Variants in KIF18B observed in about 807,000 individuals in gnomAD.
KIF18B encodes the protein kinesin family member 18B, also known as kinesin-like protein KIF18B.
In KIF18B, 49 loss-of-function variants were observed where a neutral mutation model predicts 80.9. The observed-to-expected ratio is 0.61, with a 90% CI of 0.48 to 0.77. KIF18B has a LOEUF of 0.77. KIF18B is among the 30% of genes least tolerant of loss of function. The pLI is 0.00. For missense variants in KIF18B, 994 were observed against 1,127.7 expected (o/e 0.88, Z 1.70); for synonymous variants, 439 against 463.9 (o/e 0.95, Z 0.69).
chr17:44,928,611 G>C, intron 12 of KIF18B, 33 bp from the exon 13 acceptor site: 2 of 1,443,574 alleles, frequency 1.4e-6, no homozygotes, highest in Non-Finnish European at 1.8e-6. Context: ...TGTAGAACTT[G>C]GGGAGCCAGA....
At position 44,934,456 on chromosome 17, in the gene KIF18B, G is replaced by T. The variant is rs1202846804; in HGVS notation, c.688-26C>A. On this transcript the variant is annotated intron_variant, in intron 5 of 15. Coordinates refer to ENST00000593135, the MANE Select transcript of KIF18B (RefSeq NM_001265577.2). This position sits in a 1 kb window ranked among gnomAD's most constrained non-coding sequence, Gnocchi z 5.4. ...CTGAAGGCAGATGGCAGGGGTGAGGGGGAGATGGGCATCAGGGGCACTGGT... is the reference window on the plus strand; with the variant it reads ...CTGAAGGCAGATGGCAGGGGTGAGGTGGAGATGGGCATCAGGGGCACTGGT... 1 of 1,603,934 alleles carries T rather than the reference G, an allele frequency of 6.2e-7. No homozygotes were observed. The highest frequency in any genetic ancestry group is 1.3e-5 in the African/African-American group (1 of 74,746).
intron 11 of KIF18B, among the ~76,000 whole-genome samples, chr17:44,931,314 G>T (rs999621081): frequency 1.3e-5 from 2 of 152,208 alleles, no homozygotes; most frequent in African/African-American, 4.8e-5. Context: ...AAAGCAAAGC[G>T]TAAGCCCCAG....
In KIF18B at chr17:44,928,150, G is replaced by A. The variant is rs376484406; in HGVS notation, c.2152C>T (p.Arg718Ter). The change falls in exon 13 of 16, where the codon CGA becomes TGA. Residue 718 changes from arginine (R) to a stop codon, truncating the protein, a stop_gained. Coordinates refer to ENST00000593135, the MANE Select transcript of KIF18B (RefSeq NM_001265577.2). LOFTEE classifies it high-confidence loss of function. Reference protein sequence around the residue: ...NCSTPLALPTRDLNATFDLSE... With the variant: ...NCSTPLALPT The stretch of plus-strand genomic sequence containing the variant: ...AGATCAAAGGTGGCATTGAGGTCTC[G>A]AGTGGGCAGAGCCAGCGGGGTGGAG... 2.5e-5 allele frequency: 40 copies of A among 1,608,428 alleles called. No individual in the cohort carries two copies. Among genetic ancestry groups the A allele is most frequent in the South Asian group, 5.5e-5 (5 of 90,526 alleles).
At chr17:44,946,766 G>A (rs1232118408) in intron 1 of KIF18B, among the ~76,000 whole-genome samples, 1 of 152,064 alleles carries the variant, frequency 6.6e-6, no homozygotes, top group Non-Finnish European at 1.5e-5. Context: ...TGCATCCTAG[G>A]AGCAGTAACA....
Position 44,934,167 on chromosome 17 carries a change from C to A in KIF18B, c.885+66G>T. 1 of 1,595,844 alleles carries A rather than the reference C, an allele frequency of 6.3e-7. No homozygotes were observed. The highest frequency in any genetic ancestry group is 8.5e-7 in the Non-Finnish European group (1 of 1,170,380). ...ACTGACCCAGGATGGGGCCCTGTGG[C>A]CTTTGGCCCTGGGTTCAGGTGCTCA... On this transcript the variant is annotated intron_variant, in intron 6 of 15. Transcript: ENST00000593135. The surrounding 1 kb of genome is among the most constrained non-coding windows in gnomAD (Gnocchi z 5.4).
rs544975143 is a variant in KIF18B at position 44,943,510 on chromosome 17, G to C, written c.-15+4118C>G. Among the ~76,000 whole-genome samples the C allele has an allele frequency of 7.2e-4, 109 of 151,936 alleles. 4 individuals are homozygous for C. The South Asian group carries it at 0.022, about 30-fold the overall frequency. ...TTATTTTTCTTGTCTTACATTTCTG[G>C]TTAGGACCTCCAGCACAATATTGAA... On this transcript the variant is annotated intron_variant, in intron 1 of 15. Coordinates refer to ENST00000593135, the MANE Select transcript of KIF18B (RefSeq NM_001265577.2).
At chr17:44,942,766 A>G (rs748896575) in intron 1 of KIF18B, among the ~76,000 whole-genome samples, 1 of 152,272 alleles carries the variant, frequency 6.6e-6, no homozygotes, top group Non-Finnish European at 1.5e-5. Context: ...AAAAATAATT[A>G]TTATTACAGC....
At position 44,932,977 on chromosome 17, in the gene KIF18B, T is replaced by C; in HGVS notation, c.1072A>G (p.Asn358Asp). Reference protein sequence around the residue: ...AKEIRLSLKSNVTSLDCHISQ... With the variant: ...AKEIRLSLKSDVTSLDCHISQ... ...ATGTGACAGTCCAGGCTGGTCACATTGCTCTTCAGCTGAGATGGGGAACAG... is the reference window on the plus strand; with the variant it reads ...ATGTGACAGTCCAGGCTGGTCACATCGCTCTTCAGCTGAGATGGGGAACAG... Residue 358 changes from asparagine to aspartate, a missense_variant, in exon 8 of 16, where the codon AAT (asparagine) becomes GAT (aspartate). Coordinates refer to ENST00000593135, the MANE Select transcript of KIF18B (RefSeq NM_001265577.2). The C allele has an allele frequency of 6.2e-7, 1 of 1,605,716 alleles. No individual in the cohort carries two copies. Among genetic ancestry groups the C allele is most frequent in the Non-Finnish European group, 8.5e-7 (1 of 1,173,132 alleles).
intron 1 of KIF18B, among the ~76,000 whole-genome samples, chr17:44,942,562 AG>A (rs760923011): frequency 6.6e-6 from 1 of 152,196 alleles, no homozygotes; most frequent in Non-Finnish European, 1.5e-5. Context: ...GCGATGCTGT[AG>A]CCCCCTTCAT....
Position 44,934,520 on chromosome 17 carries a change from T to C in KIF18B, c.674A>G (p.His225Arg), listed in dbSNP as rs2052233603. 1 of 1,612,192 alleles carries C rather than the reference T, an allele frequency of 6.2e-7. No individual in the cohort carries two copies. Among genetic ancestry groups the C allele is most frequent in the Non-Finnish European group, 8.5e-7 (1 of 1,179,034 alleles). Residue 225 changes from histidine (H) to arginine (R), a missense_variant, in exon 5 of 16, where the codon CAT becomes CGT. His to Arg is a conservative substitution (Grantham distance 29). Transcript: ENST00000593135. This position sits in a 1 kb window ranked among gnomAD's most constrained non-coding sequence, Gnocchi z 5.4. ...CCATGACCTCACCTGGAAGATGGCATGGGAGCGGGAGGAAGTCGCGTTGGC... is the reference window on the plus strand; with the variant it reads ...CCATGACCTCACCTGGAAGATGGCACGGGAGCGGGAGGAAGTCGCGTTGGC... ...TDANATSSRS[H>R]AIFQIFVKQQ... is the part of the protein sequence containing the mutation.
In KIF18B at chr17:44,934,215, T is replaced by C; in HGVS notation, c.885+18A>G. On this transcript the variant is annotated intron_variant, in intron 6 of 15. Coordinates refer to ENST00000593135, the MANE Select transcript of KIF18B (RefSeq NM_001265577.2). The surrounding 1 kb of genome is among the most constrained non-coding windows in gnomAD (Gnocchi z 5.4). ...TCAGTTGCTATCCTGGGGAGAATACTGGCCTGTGCTGCTTTACCTTTGCAT... is the reference window on the plus strand; with the variant it reads ...TCAGTTGCTATCCTGGGGAGAATACCGGCCTGTGCTGCTTTACCTTTGCAT... The C allele has an allele frequency of 6.2e-7, 1 of 1,603,148 alleles. No homozygotes were observed. The highest frequency in any genetic ancestry group is 8.5e-7 in the Non-Finnish European group (1 of 1,174,082).
At position 44,925,736 on chromosome 17, in the gene KIF18B, G is replaced by A. The variant is rs996864840; in HGVS notation, c.*344C>T. 7.7e-5 allele frequency: 22 copies of A among 286,418 alleles called. No individual in the cohort carries two copies. Among genetic ancestry groups the A allele is most frequent in the African/African-American group, 2.0e-4 (8 of 40,840 alleles). 17.7% of individuals were successfully genotyped at this position (286,418 alleles called of 1,614,324 possible). The stretch of plus-strand genomic sequence containing the variant: ...GCGGAGGTTGCAGTGAGCCAAGATC[G>A]TACCACTGCACTCCAGCCTGGGCGA... On this transcript the variant is annotated 3_prime_UTR_variant, in exon 16 of 16. Coordinates refer to ENST00000593135, the MANE Select transcript of KIF18B (RefSeq NM_001265577.2).
intron 2 of KIF18B, 132 bp downstream of exon 2, chr17:44,935,900 A>G (rs1369535660): frequency 4.4e-5 from 33 of 751,202 alleles, no homozygotes; most frequent in Non-Finnish European, 6.6e-5. Context: ...ATGATGGGAC[A>G]TTGTACAAAA....
chr17:44,933,005 G>A lies in KIF18B; in HGVS notation c.1063-19C>T, dbSNP rs1412002269. ...TCTTCAGCTGAGATGGGGAACAGGA[G>A]AGAGATTTATTTGTTCATTCAAAGC... On this transcript the variant is annotated intron_variant, in intron 7 of 15. Coordinates refer to ENST00000593135, the MANE Select transcript of KIF18B (RefSeq NM_001265577.2). The A allele has an allele frequency of 6.3e-7, 1 of 1,597,624 alleles. No individual in the cohort carries two copies. Among genetic ancestry groups the A allele is most frequent in the Non-Finnish European group, 8.6e-7 (1 of 1,167,336 alleles).
intron 1 of KIF18B, among the ~76,000 whole-genome samples, chr17:44,945,626 C>T (rs77665779): frequency 0.33 from 49,328 of 151,654 alleles, 8,225 homozygotes; most frequent in East Asian, 0.38. Flanking sequence ...AATTTCAGGC[C>T]GGGCATGGTG....
chr17:44,934,641 G>C lies in KIF18B; in HGVS notation c.577-24C>G. Reference sequence around the variant, plus strand: ...GGCTACAGAGGAGAAGCCCAGGAACGGGGCTGTGGGTTCCCGGATCAGGAC... The same window carrying C: ...GGCTACAGAGGAGAAGCCCAGGAACCGGGCTGTGGGTTCCCGGATCAGGAC... On this transcript the variant is annotated intron_variant, in intron 4 of 15. Coordinates refer to ENST00000593135, the MANE Select transcript of KIF18B (RefSeq NM_001265577.2). The surrounding 1 kb of genome is among the most constrained non-coding windows in gnomAD (Gnocchi z 5.4). 5 of 1,553,096 alleles carry C rather than the reference G, an allele frequency of 3.2e-6. No individual in the cohort carries two copies. In the South Asian group the frequency reaches 3.6e-5, roughly 11 times the overall value.
chr17:44,946,906 G>A (rs1172845994), intron 1 of KIF18B, among the ~76,000 whole-genome samples: 3 of 151,968 alleles, frequency 2.0e-5, no homozygotes, highest in Admixed American at 2.0e-4. Context: ...GATCGCCTGA[G>A]TCAGAAGTTC....
At chr17:44,926,616 G>GT in intron 14 of KIF18B, 117 bp from the exon 15 acceptor site, 8 of 1,018,068 alleles carry the variant, frequency 7.9e-6, no homozygotes, top group Non-Finnish European at 9.7e-6. Flanking sequence ...AAGGCTGCTG[G>GT]GCACCAGCAG....
chr17:44,934,132 G>A lies in KIF18B; in HGVS notation c.886-33C>T, dbSNP rs757918677. ...GCAGTAAGCAGGTGTGGGGTGAGGCGACTGATGGCACTGACCCAGGATGGG... is the reference window on the plus strand; with the variant it reads ...GCAGTAAGCAGGTGTGGGGTGAGGCAACTGATGGCACTGACCCAGGATGGG... On this transcript the variant is annotated intron_variant, in intron 6 of 15. Transcript: ENST00000593135. The surrounding 1 kb of genome is among the most constrained non-coding windows in gnomAD (Gnocchi z 5.4). The A allele has an allele frequency of 8.7e-6, 14 of 1,607,408 alleles. No homozygotes were observed. Among genetic ancestry groups the A allele is most frequent in the South Asian group, 4.4e-5 (4 of 90,194 alleles).
Sources: allele counts gnomAD v4.1 joint callset (sites outside exome capture counted in the v4.1 genomes callset), GRCh38; gene constraint gnomAD v4.1.1; non-coding constraint Gnocchi (gnomAD v3.1); transcripts MANE v1.5; gene names NCBI Gene and HGNC (gene_info 2026-07-23, HGNC 2026-07-21).